SPATS2: variants seen among roughly 807,000 people sequenced by gnomAD.
The protein encoded by SPATS2 is spermatogenesis-associated serine-rich protein 2.
In SPATS2, 38 loss-of-function variants were observed where a neutral mutation model predicts 63.7. The ratio of observed to expected loss-of-function variants is 0.60; its 90% CI spans 0.46 to 0.78. The LOEUF (loss-of-function observed/expected upper bound fraction) is 0.78, where lower values mean the gene tolerates loss of function less well. Ranked by LOEUF, SPATS2 falls within the 30% of genes least tolerant of loss-of-function variation. The pLI, the probability that SPATS2 is intolerant of heterozygous loss-of-function variation, is 0.00. For missense variants in SPATS2, 588 were observed against 666.2 expected (o/e 0.88, Z 1.29); for synonymous variants, 207 against 232.9 (o/e 0.89, Z 1.01).
At chr12:49,414,067 T>C (rs779453749) in intron 2 of SPATS2, among the ~76,000 whole-genome samples, 4 of 152,320 alleles carry the variant, frequency 2.6e-5, no homozygotes, top group Non-Finnish European at 5.9e-5. Context: ...TAGAGTACTT[T>C]TCTTGGCTTC....
chr12:49,514,081 C>T (rs866278213), intron 9 of SPATS2, among the ~76,000 whole-genome samples: 2 of 151,398 alleles, frequency 1.3e-5, no homozygotes, highest in Middle Eastern at 6.8e-3. Flanking sequence ...GGCGTGAACC[C>T]GGAAGGCGGA....
intron 2 of SPATS2, among the ~76,000 whole-genome samples, chr12:49,450,401 G>T (rs558049067): frequency 2.6e-5 from 4 of 151,908 alleles, no homozygotes; most frequent in Middle Eastern, 3.4e-3. Flanking sequence ...CCGACACCAT[G>T]CCTGGTTAAT....
chr12:49,443,805 G>A (rs1377762452), intron 2 of SPATS2, among the ~76,000 whole-genome samples: 1 of 152,104 alleles, frequency 6.6e-6, no homozygotes, highest in Non-Finnish European at 1.5e-5. Flanking sequence ...AGATATGAAG[G>A]TTTATTTTTG....
At chr12:49,417,906 T>C (rs1944914673) in intron 2 of SPATS2, among the ~76,000 whole-genome samples, 2 of 152,154 alleles carry the variant, frequency 1.3e-5, no homozygotes, top group African/African-American at 4.8e-5. Context: ...TTAGAGACCA[T>C]GTCTTGTTCT....
chr12:49,507,532 C>G (rs983652710), intron 9 of SPATS2, among the ~76,000 whole-genome samples: 3 of 152,136 alleles, frequency 2.0e-5, no homozygotes, highest in African/African-American at 7.2e-5. Context: ...ATTATTCCCT[C>G]TTACTTTTAC....
chr12:49,437,072 C>G (rs918395057), intron 2 of SPATS2, among the ~76,000 whole-genome samples: 3 of 151,280 alleles, frequency 2.0e-5, no homozygotes, highest in Non-Finnish European at 4.4e-5. Context: ...ACTTCCCAGA[C>G]GGAGTGGCTG....
At position 49,500,094 on chromosome 12, in the gene SPATS2, A is replaced by G; in HGVS notation, c.728A>G (p.Lys243Arg). 6.7e-7 allele frequency: 1 copy of G among 1,494,804 alleles called. No homozygotes were observed. Among genetic ancestry groups the G allele is most frequent in the South Asian group, 1.5e-5 (1 of 67,908 alleles). 92.6% of individuals were successfully genotyped at this position (1,494,804 alleles called of 1,614,324 possible). A position where few individuals can be genotyped will look rare whatever the true frequency, so the allele number is the denominator to read the frequency against. Residue 243 changes from lysine to arginine, a missense_variant, in exon 9 of 14, where the codon AAA becomes AGA. By Grantham distance (26) the Lys-to-Arg change is conservative. Transcript: ENST00000552918. ...KLSSNIEKSV[K>R]DLQRCTVSLA... ...GGTTCCAATATTGAAAAATCTGTAAAAGACCTCCAGCGCTGCACAGTGTCT... is the reference window on the plus strand; with the variant it reads ...GGTTCCAATATTGAAAAATCTGTAAGAGACCTCCAGCGCTGCACAGTGTCT...
intron 8 of SPATS2, among the ~76,000 whole-genome samples, chr12:49,499,468 G>GTTTTT (rs372156446): frequency 6.8e-6 from 1 of 146,092 alleles, no homozygotes; most frequent in Non-Finnish European, 1.5e-5. Context: ...GTTTTGTTTT[G>GTTTTT]TTTTTTTTTT....
At chr12:49,465,111 A>G (rs997978167) in intron 3 of SPATS2, among the ~76,000 whole-genome samples, 2 of 152,176 alleles carry the variant, frequency 1.3e-5, no homozygotes, top group Non-Finnish European at 2.9e-5. Context: ...TATCCATTTA[A>G]CAGTTGCTAT....
intron 3 of SPATS2, among the ~76,000 whole-genome samples, chr12:49,473,366 A>C (rs1946070502): frequency 6.6e-6 from 1 of 152,176 alleles, no homozygotes; most frequent in African/African-American, 2.4e-5. Context: ...CAGTGAGCTG[A>C]GATCACACCC....
At chr12:49,427,536 T>C (rs1053752937) in intron 2 of SPATS2, among the ~76,000 whole-genome samples, 1 of 152,210 alleles carries the variant, frequency 6.6e-6, no homozygotes, top group Admixed American at 6.5e-5. Context: ...TTCTGGATCA[T>C]AGGATTGACA....
At chr12:49,452,199 A>G (rs966351528) in intron 2 of SPATS2, among the ~76,000 whole-genome samples, 1 of 152,140 alleles carries the variant, frequency 6.6e-6, no homozygotes, top group Non-Finnish European at 1.5e-5. Flanking sequence ...CCTCTTTCAC[A>G]TCACTTCTTC....
At chr12:49,503,603 C>T (rs142886131) in intron 9 of SPATS2, among the ~76,000 whole-genome samples, 3,123 of 151,004 alleles carry the variant, frequency 0.021, 77 homozygotes, top group East Asian at 0.11. Context: ...GAGCCAAGAT[C>T]GCGCCACTGC....
At chr12:49,493,704 A>G (rs1395077293) in intron 6 of SPATS2, among the ~76,000 whole-genome samples, 3 of 152,128 alleles carry the variant, frequency 2.0e-5, no homozygotes, top group East Asian at 1.9e-4. Flanking sequence ...CACCCACCCA[A>G]TACACTGAAA....
chr12:49,457,063 T>G (rs1216354309), intron 2 of SPATS2, among the ~76,000 whole-genome samples: 2 of 152,146 alleles, frequency 1.3e-5, no homozygotes, highest in Non-Finnish European at 2.9e-5. Context: ...TGATTTACTT[T>G]CCTTCTATTT....
chr12:49,493,476 A>T (rs1001686684), intron 6 of SPATS2, among the ~76,000 whole-genome samples: 4 of 150,272 alleles, frequency 2.7e-5, no homozygotes, highest in African/African-American at 9.8e-5. Context: ...AGCTCAGCTC[A>T]CTGCACCCTC....
intron 2 of SPATS2, among the ~76,000 whole-genome samples, chr12:49,425,284 C>T (rs1945054114): frequency 6.6e-6 from 1 of 151,974 alleles, no homozygotes; most frequent in Non-Finnish European, 1.5e-5. Flanking sequence ...TCTTCTAGAG[C>T]CTTCTGTTTA....
At chr12:49,451,437 A>G (rs866620283) in intron 2 of SPATS2, among the ~76,000 whole-genome samples, 1 of 152,138 alleles carries the variant, frequency 6.6e-6, no homozygotes, top group Admixed American at 6.5e-5. Context: ...CATGTTTATT[A>G]TATCTATATT....
At chr12:49,414,606 T>A (rs1209773716) in intron 2 of SPATS2, among the ~76,000 whole-genome samples, 1 of 152,142 alleles carries the variant, frequency 6.6e-6, no homozygotes, top group Non-Finnish European at 1.5e-5. Flanking sequence ...AAGGCTTTTT[T>A]ATTTTTTTAT....
Sources: allele counts gnomAD v4.1 joint callset (sites outside exome capture counted in the v4.1 genomes callset), GRCh38; gene constraint gnomAD v4.1.1; transcripts MANE v1.5; gene names NCBI Gene and HGNC (gene_info 2026-07-23, HGNC 2026-07-21).